Variants in DNAH11 observed in about 807,000 individuals in gnomAD.
The protein encoded by DNAH11 is dynein axonemal heavy chain 11.
A neutral mutation model predicts 526.0 loss-of-function variants in DNAH11; 442 were observed. That is an observed-to-expected ratio of 0.84 (90% CI 0.78 to 0.91). DNAH11 has a LOEUF of 0.91. Ranked by LOEUF, DNAH11 falls within the 40% of genes least tolerant of loss-of-function variation. The probability of loss-of-function intolerance (pLI) is 0.00; values close to 1 mark genes in which losing one functional copy is unlikely to be tolerated. For missense variants in DNAH11, 6,989 were observed against 5,448.7 expected (o/e 1.28, Z -8.90); for synonymous variants, 2,461 against 1,935.9 (o/e 1.27, Z -7.12).
intron 51 of DNAH11, among the ~76,000 whole-genome samples, chr7:21,746,392 C>T (rs1265747570): frequency 1.3e-5 from 2 of 152,020 alleles, no homozygotes; most frequent in Non-Finnish European, 2.9e-5. Flanking sequence ...TCACTTGAGG[C>T]CAGAAGTTTG....
chr7:21,662,813 T>C (rs1463320251), intron 30 of DNAH11, among the ~76,000 whole-genome samples: 3 of 152,146 alleles, frequency 2.0e-5, no homozygotes, highest in African/African-American at 7.2e-5. Flanking sequence ...AATTGGACTT[T>C]TTCATTTAAA....
intron 40 of DNAH11, among the ~76,000 whole-genome samples, chr7:21,708,758 C>T (rs1008018261): frequency 2.0e-5 from 3 of 152,146 alleles, no homozygotes; most frequent in African/African-American, 4.8e-5. Context: ...TTCCTGCCGT[C>T]GGCAACACTC....
At chr7:21,653,609 C>T (rs1015714165) in intron 28 of DNAH11, among the ~76,000 whole-genome samples, 2 of 152,172 alleles carry the variant, frequency 1.3e-5, no homozygotes, top group Non-Finnish European at 2.9e-5. Context: ...TTCCTGGCCA[C>T]TTCAGCTGGG....
At position 21,894,607 on chromosome 7, in the gene DNAH11, G is replaced by T. The variant is rs1289409204; in HGVS notation, c.12751-16G>T. On this transcript the variant is annotated splice_polypyrimidine_tract_variant and intron_variant, in intron 77 of 81. Transcript: ENST00000409508. ...TGAAATAGAAAGGAGCTAAATCTTT[G>T]TGTTACTGATTTAAGGTTAAGAATG... 1.2e-6 allele frequency: 2 copies of T among 1,610,720 alleles called. No individual in the cohort carries two copies. The highest frequency in any genetic ancestry group is 1.7e-6 in the Non-Finnish European group (2 of 1,178,442).
chr7:21,852,359 A>G, intron 66 of DNAH11, 108 bp from the exon 67 acceptor site: 2 of 1,196,362 alleles, frequency 1.7e-6, no homozygotes, highest in East Asian at 5.1e-5. Flanking sequence ...GTGAGCCAAG[A>G]TCATACCACT....
At chr7:21,744,345 C>T in intron 49 of DNAH11, 93 bp from the exon 50 acceptor site, 6 of 1,346,350 alleles carry the variant, frequency 4.5e-6, no homozygotes, top group South Asian at 1.3e-5. Context: ...TAACCATTTG[C>T]TAAGTTCACA....
At position 21,690,811 on chromosome 7, in the gene DNAH11, A is replaced by G; in HGVS notation, c.5971A>G (p.Ile1991Val). The change falls in exon 35 of 82, where the codon ATA becomes GTA. Residue 1991 changes from isoleucine (I) to valine (V), a missense_variant. Transcript: ENST00000409508. ...TATCACACTGAAGCCATCAGTTGGA[A>G]TATTTATTACTATGAACCCGGGTTA... ...EAITLKPSVGIFITMNPGYAG... is the reference protein window; with the variant it reads ...EAITLKPSVGVFITMNPGYAG... 9 of 1,611,606 alleles carry G rather than the reference A, an allele frequency of 5.6e-6. No homozygotes were observed. The highest frequency in any genetic ancestry group is 7.6e-6 in the Non-Finnish European group (9 of 1,179,276).
intron 25 of DNAH11, among the ~76,000 whole-genome samples, chr7:21,631,358 A>G (rs1786598594): frequency 6.6e-6 from 1 of 152,084 alleles, no homozygotes; most frequent in Non-Finnish European, 1.5e-5. Flanking sequence ...AAAACCAATC[A>G]TGCCTTCCCA....
intron 65 of DNAH11, among the ~76,000 whole-genome samples, chr7:21,822,401 A>G (rs1474186077): frequency 1.3e-5 from 2 of 152,296 alleles, no homozygotes; most frequent in South Asian, 2.1e-4. Context: ...GAGGACACCA[A>G]GCCATTCATG....
At chr7:21,695,332 G>C (rs191429953) in intron 35 of DNAH11, among the ~76,000 whole-genome samples, 30 of 152,244 alleles carry the variant, frequency 2.0e-4, no homozygotes, top group African/African-American at 7.0e-4. Context: ...CACACTACCT[G>C]ACCTCAAACT....
In DNAH11 at chr7:21,894,777, C is replaced by G; in HGVS notation, c.12905C>G (p.Ser4302Ter). The G allele has an allele frequency of 6.2e-7, 1 of 1,611,020 alleles. No individual in the cohort carries two copies. The change falls in exon 78 of 82, where the codon TCA becomes TGA. Residue 4302 changes from serine to a stop codon, truncating the protein, a stop_gained. Coordinates refer to ENST00000409508, the MANE Select transcript of DNAH11 (RefSeq NM_001277115.2). LOFTEE classifies it high-confidence loss of function. ...MNILIREIRISLEQLDLSLKG... is the reference protein window; with the variant it reads ...MNILIREIRI ...ATTCTCATTCGGGAAATACGTATATCACTTGAACAACTGGACCTTAGTTTG... is the reference window on the plus strand; with the variant it reads ...ATTCTCATTCGGGAAATACGTATATGACTTGAACAACTGGACCTTAGTTTG...
chr7:21,697,076 T>C (rs753096957), intron 35 of DNAH11, among the ~76,000 whole-genome samples: 2 of 152,176 alleles, frequency 1.3e-5, no homozygotes, highest in Non-Finnish European at 2.9e-5. Flanking sequence ...GTTAGATGTT[T>C]AGGATGAAAA....
intron 8 of DNAH11, among the ~76,000 whole-genome samples, chr7:21,576,804 T>C (rs1433366326): frequency 6.6e-6 from 1 of 152,246 alleles, no homozygotes. Flanking sequence ...TATATTATGA[T>C]GTTTATAACA....
Position 21,801,134 on chromosome 7 carries a change from C to T in DNAH11, c.10027-3C>T. The T allele has an allele frequency of 6.2e-7, 1 of 1,604,086 alleles. No individual in the cohort carries two copies. The highest frequency in any genetic ancestry group is 8.5e-7 in the Non-Finnish European group (1 of 1,174,642). On this transcript the variant is annotated splice_region_variant and splice_polypyrimidine_tract_variant and intron_variant, in intron 61 of 81. Coordinates refer to ENST00000409508, the MANE Select transcript of DNAH11 (RefSeq NM_001277115.2). ...CTCAAAAGTTAATTCAACTCTGATTCAGGATCTGGATCGAAATCTGAGCAG... is the reference window on the plus strand; with the variant it reads ...CTCAAAAGTTAATTCAACTCTGATTTAGGATCTGGATCGAAATCTGAGCAG...
At chr7:21,598,826 A>T (rs1784963066) in intron 14 of DNAH11, among the ~76,000 whole-genome samples, 1 of 152,168 alleles carries the variant, frequency 6.6e-6, no homozygotes. Context: ...CTTAAAAGTG[A>T]GAAAATGCAG....
chr7:21,738,994 A>G lies in DNAH11; in HGVS notation c.7811+128A>G, dbSNP rs566431810. 2.2e-3 allele frequency: 2,010 copies of G among 924,792 alleles called. 5 individuals are homozygous for G. The highest frequency in any genetic ancestry group is 3.3e-3 in the South Asian group (139 of 41,662). 57.3% of individuals were successfully genotyped at this position (924,792 alleles called of 1,614,324 possible). ...ATTATTATGGATGAATTCAAGTGCA[A>G]TTATCCCCAGTTTCTTCTAAGGAAT... On this transcript the variant is annotated intron_variant, in intron 47 of 81. Transcript: ENST00000409508.
rs2965423 is a variant in DNAH11 at position 21,725,494 on chromosome 7, G to T, written c.7267-317G>T. Among the ~76,000 whole-genome samples the T allele has an allele frequency of 0.86, 130,590 of 152,212 alleles. 56,098 individuals are homozygous for T. The highest frequency in any genetic ancestry group is 0.9 in the African/African-American group (37,319 of 41,542). ...AATGTCATTAATTTTTAAAAAGTACGCCATTCTTATTTTTCCCATTTTCCC... is the reference window on the plus strand; with the variant it reads ...AATGTCATTAATTTTTAAAAAGTACTCCATTCTTATTTTTCCCATTTTCCC... On this transcript the variant is annotated intron_variant, in intron 44 of 81. Transcript: ENST00000409508.
At chr7:21,852,733 C>T (rs1355251954) in intron 67 of DNAH11, 102 bp downstream of exon 67, 4 of 1,254,982 alleles carry the variant, frequency 3.2e-6, no homozygotes, top group East Asian at 2.5e-5. Flanking sequence ...CTAAGAGGAC[C>T]AGCGTGTGGA....
chr7:21,823,097 C>T (rs984420121), intron 65 of DNAH11, among the ~76,000 whole-genome samples: 2 of 149,318 alleles, frequency 1.3e-5, no homozygotes, highest in African/African-American at 2.5e-5. Flanking sequence ...TTGATTGTTT[C>T]CTTTGCTGTA....
Sources: allele counts gnomAD v4.1 joint callset (sites outside exome capture counted in the v4.1 genomes callset), GRCh38; gene constraint gnomAD v4.1.1; transcripts MANE v1.5; gene names NCBI Gene and HGNC (gene_info 2026-07-23, HGNC 2026-07-21).